Variants in RABEP2 observed in about 807,000 individuals in gnomAD.
The protein encoded by RABEP2 is rabaptin, RAB GTPase binding effector protein 2, also known as rab GTPase-binding effector protein 2.
A neutral mutation model predicts 74.1 loss-of-function variants in RABEP2; 57 were observed. The observed-to-expected ratio is 0.77, with a 90% CI of 0.62 to 0.96. The LOEUF (loss-of-function observed/expected upper bound fraction) is 0.96, where lower values mean the gene tolerates loss of function less well. Among genes scored for constraint, RABEP2 ranks in the 40% least tolerant of loss-of-function variants. The pLI is 0.00. For missense variants in RABEP2, 692 were observed against 756.3 expected (o/e 0.91, Z 1.00); for synonymous variants, 351 against 344.0 (o/e 1.02, Z -0.23).
chr16:28,905,826 A>T, intron 10 of RABEP2, 41 bp downstream of exon 10: 1 of 1,613,892 alleles, frequency 6.2e-7, no homozygotes, highest in Non-Finnish European at 8.5e-7. Context: ...TAGCCCAGCC[A>T]GGGTGGGCGA....
At chr16:28,923,134 G>A (rs189301986) in intron 2 of RABEP2, among the ~76,000 whole-genome samples, 10 of 152,262 alleles carry the variant, frequency 6.6e-5, no homozygotes, top group Non-Finnish European at 1.5e-4. Context: ...CTGGCCAGGC[G>A]CGGTGGCTCA....
In RABEP2 at chr16:28,908,597, C is replaced by T. The variant is rs200874140; in HGVS notation, c.1245+12G>A. The T allele has an allele frequency of 3.4e-5, 54 of 1,601,098 alleles. No individual in the cohort carries two copies. The highest frequency in any genetic ancestry group is 3.4e-6 in the Non-Finnish European group (4 of 1,173,466). On this transcript the variant is annotated intron_variant, in intron 8 of 12. Coordinates refer to ENST00000358201, the MANE Select transcript of RABEP2 (RefSeq NM_024816.3). ...GGTGGCTCCAGGCTCTCAGTGCCCA[C>T]ACTCAGCTTACTGGCACAGAGCTGG...
chr16:28,918,877 G>A (rs1302444546), intron 3 of RABEP2, among the ~76,000 whole-genome samples: 9 of 152,164 alleles, frequency 5.9e-5, no homozygotes, highest in African/African-American at 2.2e-4. Context: ...CTGGAGTGCA[G>A]TAGTGAGATC....
intron 5 of RABEP2, among the ~76,000 whole-genome samples, chr16:28,911,670 AAAC>A (rs1286407559): frequency 8.6e-5 from 13 of 151,106 alleles, no homozygotes; most frequent in Non-Finnish European, 2.9e-5. Context: ...AAAAAAAAAA[AAAC>A]AGGGCCAGGC....
In RABEP2 at chr16:28,904,735, T is replaced by C; in HGVS notation, c.*208A>G. On this transcript the variant is annotated 3_prime_UTR_variant, in exon 13 of 13. Coordinates refer to ENST00000358201, the MANE Select transcript of RABEP2 (RefSeq NM_024816.3). ...TGGTTCCGGGAGGGGCTTGGGCCCC[T>C]CACCCAGGTGTGATCCCTGAGAACA... 1.6e-6 allele frequency: 1 copy of C among 639,632 alleles called. No individual in the cohort carries two copies. The allele number at this position is 639,632 out of a possible 1,614,324, so 39.6% of individuals were successfully genotyped here.
At chr16:28,908,486 G>T (rs1964266432) in intron 8 of RABEP2, 123 bp downstream of exon 8, 1 of 1,038,026 alleles carries the variant, frequency 9.6e-7, no homozygotes, top group Non-Finnish European at 1.4e-6. Flanking sequence ...CCTTAGAGAA[G>T]GCAAATGAGT....
rs993484276 is a variant in RABEP2, at chr16:28,920,928, A to G, written c.275-985T>C. On this transcript the variant is annotated intron_variant, in intron 2 of 12. Transcript: ENST00000358201. ...GCCCAGGCTGAAGTGCAGTGTCGCA[A>G]TCATGACTCACTGCAACCTCAGCCT... 1.4e-5 allele frequency: 4 copies of G among 277,300 alleles called. No individual in the cohort carries two copies. The Admixed American group carries it at 1.8e-4, about 13-fold the overall frequency. 17.2% of individuals were successfully genotyped at this position (277,300 alleles called of 1,614,324 possible).
At chr16:28,914,159 T>C in intron 5 of RABEP2, 77 bp downstream of exon 5, 1 of 1,258,318 alleles carries the variant, frequency 7.9e-7, no homozygotes, top group Non-Finnish European at 1.1e-6. Flanking sequence ...GTTCTGGGTC[T>C]GAACACAGGT....
chr16:28,918,823 AC>A (rs1426746666), intron 3 of RABEP2, among the ~76,000 whole-genome samples: 4 of 151,922 alleles, frequency 2.6e-5, no homozygotes, highest in Admixed American at 2.6e-4. Flanking sequence ...AGTTAATTTA[AC>A]AAAAAAAGTT....
chr16:28,905,276 G>T, intron 12 of RABEP2, 121 bp downstream of exon 12: 1 of 773,624 alleles, frequency 1.3e-6, no homozygotes, highest in Non-Finnish European at 2.1e-6. Context: ...CTCAGGACAG[G>T]ACCATGCCAG....
intron 3 of RABEP2, among the ~76,000 whole-genome samples, chr16:28,918,444 C>T (rs1179586472): frequency 2.6e-5 from 4 of 151,908 alleles, no homozygotes; most frequent in Non-Finnish European, 4.4e-5. Context: ...GAAACCCCGT[C>T]GCTACTAAAA....
At chr16:28,907,861 G>A (rs1053713671) in intron 8 of RABEP2, among the ~76,000 whole-genome samples, 8 of 152,180 alleles carry the variant, frequency 5.3e-5, no homozygotes, top group African/African-American at 1.7e-4. Flanking sequence ...GTGCAATGGC[G>A]CGATTTCGGC....
chr16:28,914,594 A>AG lies in RABEP2; in HGVS notation c.544-9dup. ...GGCATGCCGGGGACGTCTCTAGGGA[A>AG]GGGGGCAGGGAAGAGGCTGGGGGGC... On this transcript the variant is annotated splice_polypyrimidine_tract_variant and intron_variant, in intron 4 of 12. Coordinates refer to ENST00000358201, the MANE Select transcript of RABEP2 (RefSeq NM_024816.3). 1 of 1,609,334 alleles carries AG rather than the reference A, an allele frequency of 6.2e-7. No homozygotes were observed. The highest frequency in any genetic ancestry group is 8.5e-7 in the Non-Finnish European group (1 of 1,177,552).
intron 8 of RABEP2, among the ~76,000 whole-genome samples, chr16:28,907,178 T>G (rs1330061066): frequency 6.7e-6 from 1 of 149,606 alleles, no homozygotes; most frequent in Non-Finnish European, 1.5e-5. Flanking sequence ...TTTTTTTTTT[T>G]GAGACAGGGT....
At chr16:28,922,262 G>A (rs962491620) in intron 2 of RABEP2, among the ~76,000 whole-genome samples, 1 of 152,160 alleles carries the variant, frequency 6.6e-6, no homozygotes, top group Non-Finnish European at 1.5e-5. Context: ...TATAGATATT[G>A]ACCTATTATT....
chr16:28,905,104 C>A, intron 12 of RABEP2, 60 bp from the exon 13 acceptor site: 2 of 1,418,404 alleles, frequency 1.4e-6, no homozygotes, highest in Non-Finnish European at 1.9e-6. Context: ...CCCTACCCCA[C>A]CTGCCAGCCC....
At chr16:28,909,980 G>T (rs1204400043) in intron 7 of RABEP2, among the ~76,000 whole-genome samples, 5 of 136,076 alleles carry the variant, frequency 3.7e-5, no homozygotes, top group African/African-American at 5.5e-5. Context: ...AGTGAGCCGA[G>T]ATCGTGCCAC....
chr16:28,915,357 G>A (rs1328692466), intron 3 of RABEP2, among the ~76,000 whole-genome samples: 2 of 149,462 alleles, frequency 1.3e-5, no homozygotes, highest in African/African-American at 2.5e-5. Context: ...CAGCATCTGG[G>A]TTGGGATTAC....
chr16:28,915,577 C>T (rs1050830377), intron 3 of RABEP2, among the ~76,000 whole-genome samples: 2 of 152,110 alleles, frequency 1.3e-5, no homozygotes, highest in Non-Finnish European at 2.9e-5. Flanking sequence ...TGGAGTCTCA[C>T]TCTGTTGCCC....
Sources: gnomAD v4.1 joint callset for allele counts (sites outside exome capture counted in the v4.1 genomes callset) on GRCh38, gnomAD v4.1.1 for gene constraint, MANE v1.5 for transcripts, NCBI Gene and HGNC (gene_info 2026-07-23, HGNC 2026-07-21) for gene names.